INTS8: variants seen among roughly 807,000 people sequenced by gnomAD.
The protein encoded by INTS8 is integrator complex subunit 8, also known as protein kaonashi-1.
A neutral mutation model predicts 138.9 loss-of-function variants in INTS8; 47 were observed. That is an observed-to-expected ratio of 0.34 (90% confidence interval 0.27 to 0.43). The LOEUF is 0.43. Among genes scored for constraint, INTS8 ranks in the 20% least tolerant of loss-of-function variants. INTS8 has a pLI of 1.00. For synonymous variants in INTS8, 392 were observed against 400.9 expected (o/e 0.98, Z 0.27); for missense variants, 996 against 1,173.0 (o/e 0.85, Z 2.20).
At position 94,825,173 on chromosome 8, in the gene INTS8, C is replaced by T. The variant is rs184151791; in HGVS notation, c.305+106C>T. 5.7e-5 allele frequency: 44 copies of T among 771,978 alleles called. No homozygotes were observed. The African/African-American group carries it at 7.7e-4, about 13-fold the overall frequency. 47.8% of individuals were successfully genotyped at this position (771,978 alleles called of 1,614,324 possible). Reference sequence around the variant, plus strand: ...CGGCTCTTAAAAATTACGTGCTGGGCGCCGTGGCTCACGCCTATAATAATC... The same window carrying T: ...CGGCTCTTAAAAATTACGTGCTGGGTGCCGTGGCTCACGCCTATAATAATC... On this transcript the variant is annotated intron_variant, in intron 2 of 26. Coordinates refer to ENST00000523731, the MANE Select transcript of INTS8 (RefSeq NM_017864.4).
At chr8:94,872,180 A>T (rs1349750089) in intron 21 of INTS8, among the ~76,000 whole-genome samples, 178 bp downstream of exon 21, 2 of 152,014 alleles carry the variant, frequency 1.3e-5, no homozygotes, top group African/African-American at 4.8e-5. Flanking sequence ...TTTGGTTCAG[A>T]TGCTTTTAAC....
At chr8:94,870,910 T>C (rs922711157) in intron 20 of INTS8, among the ~76,000 whole-genome samples, 4 of 152,138 alleles carry the variant, frequency 2.6e-5, no homozygotes, top group African/African-American at 7.2e-5. Context: ...CTCTTCACAG[T>C]TCAATCTTCT....
chr8:94,849,762 C>A (rs982488281), intron 11 of INTS8, among the ~76,000 whole-genome samples, 154 bp from the exon 12 acceptor site: 1 of 151,722 alleles, frequency 6.6e-6, no homozygotes, highest in African/African-American at 2.4e-5. Flanking sequence ...TAAATAAGGA[C>A]CAAAGGGAAA....
intron 16 of INTS8, among the ~76,000 whole-genome samples, chr8:94,864,350 C>T (rs1372015572): frequency 6.6e-6 from 1 of 152,070 alleles, no homozygotes; most frequent in Non-Finnish European, 1.5e-5. Flanking sequence ...ATTATCCTTG[C>T]TACTGCACCC....
chr8:94,871,854 G>A (rs1816408551), intron 20 of INTS8, 30 bp from the exon 21 acceptor site: 5 of 1,160,250 alleles, frequency 4.3e-6, no homozygotes, highest in Non-Finnish European at 6.4e-6. Context: ...TTTTAAAATA[G>A]AGATTAATGT....
chr8:94,827,024 G>A (rs533002150), intron 2 of INTS8, among the ~76,000 whole-genome samples: 2 of 152,232 alleles, frequency 1.3e-5, no homozygotes, highest in South Asian at 4.1e-4. Flanking sequence ...AGAATGGCAT[G>A]AACCCGGGAG....
At chr8:94,859,455 G>T (rs1815872595) in intron 15 of INTS8, 56 bp from the exon 16 acceptor site, 1 of 1,550,048 alleles carries the variant, frequency 6.5e-7, no homozygotes, top group Non-Finnish European at 8.9e-7. Flanking sequence ...TATTTGCTTT[G>T]TTCCTATTTT....
intron 2 of INTS8, 23 bp from the exon 3 acceptor site, chr8:94,827,240 C>G: frequency 6.2e-7 from 1 of 1,605,712 alleles, no homozygotes; most frequent in Non-Finnish European, 8.5e-7. Flanking sequence ...AATGTGCAAA[C>G]ATGTACGTTT....
intron 16 of INTS8, among the ~76,000 whole-genome samples, chr8:94,863,946 C>T (rs761935260): frequency 2.6e-5 from 4 of 152,098 alleles, no homozygotes; most frequent in East Asian, 1.9e-4. Context: ...GTTATTCTCA[C>T]GAGCTTCGGA....
At chr8:94,870,982 G>A (rs1816374991) in intron 20 of INTS8, among the ~76,000 whole-genome samples, 1 of 152,032 alleles carries the variant, frequency 6.6e-6, no homozygotes. Context: ...CTTGATTCTT[G>A]GGGGCTGCCA....
chr8:94,841,447 A>G, intron 8 of INTS8, 44 bp from the exon 9 acceptor site: 1 of 945,948 alleles, frequency 1.1e-6, no homozygotes, highest in East Asian at 2.6e-5. Flanking sequence ...AAAAAACTTT[A>G]CCATGATTTT....
In INTS8 at chr8:94,862,023, C is replaced by CT. The variant is rs554737856; in HGVS notation, c.2076+2392dup. Among the ~76,000 whole-genome samples, 99 of 152,188 alleles carry CT rather than the reference C, an allele frequency of 6.5e-4. 1 individual carries two copies. Among genetic ancestry groups the CT allele is most frequent in the African/African-American group, 2.3e-3 (95 of 41,542 alleles). On this transcript the variant is annotated intron_variant, in intron 16 of 26. Coordinates refer to ENST00000523731, the MANE Select transcript of INTS8 (RefSeq NM_017864.4). ...TGGCACAATCTCGGCTCATTGCAAC[C>CT]TCTACCTCCCAGTTTCAACCCATTC... is the stretch of plus-strand genomic sequence containing the variant.
chr8:94,851,135 C>G (rs1815528458), intron 12 of INTS8, among the ~76,000 whole-genome samples: 1 of 152,196 alleles, frequency 6.6e-6, no homozygotes, highest in Admixed American at 6.6e-5. Flanking sequence ...ATGCCCCTTT[C>G]TCTCATAAAA....
chr8:94,851,299 A>G (rs1019678614), intron 12 of INTS8, among the ~76,000 whole-genome samples: 4 of 152,122 alleles, frequency 2.6e-5, no homozygotes, highest in Middle Eastern at 3.4e-3. Context: ...ATTGATTTTT[A>G]TCTTGTTTAT....
At chr8:94,841,662 A>G (rs892045941) in intron 9 of INTS8, 71 bp downstream of exon 9, 65 of 786,930 alleles carry the variant, frequency 8.3e-5, no homozygotes, top group Non-Finnish European at 1.3e-4. Flanking sequence ...TATCAAAACC[A>G]CATTTTCAAA....
chr8:94,873,911 G>A (rs532364557), intron 22 of INTS8, among the ~76,000 whole-genome samples: 2 of 151,852 alleles, frequency 1.3e-5, no homozygotes, highest in Admixed American at 1.3e-4. Context: ...CACATCTTGT[G>A]GATTCTATCT....
intron 10 of INTS8, among the ~76,000 whole-genome samples, chr8:94,848,421 T>C (rs1208499164): frequency 6.6e-6 from 1 of 152,206 alleles, no homozygotes; most frequent in East Asian, 1.9e-4. Flanking sequence ...GTTGTGCAGC[T>C]ATCACTTCAC....
At chr8:94,871,402 C>T (rs559988081) in intron 20 of INTS8, among the ~76,000 whole-genome samples, 9 of 151,838 alleles carry the variant, frequency 5.9e-5, no homozygotes, top group East Asian at 1.9e-4. Context: ...CACTTGAACC[C>T]GGGAGGCGGA....
chr8:94,828,656 C>T (rs951256670), intron 4 of INTS8, among the ~76,000 whole-genome samples: 11 of 152,100 alleles, frequency 7.2e-5, no homozygotes, highest in Admixed American at 3.3e-4. Context: ...CTGTGGCTCA[C>T]ACCTGTAATC....
Sources: gnomAD v4.1 joint callset for allele counts (sites outside exome capture counted in the v4.1 genomes callset) on GRCh38, gnomAD v4.1.1 for gene constraint, MANE v1.5 for transcripts, NCBI Gene and HGNC (gene_info 2026-07-23, HGNC 2026-07-21) for gene names.